The following DPP6 variants were observed in gnomAD, a reference collection of about 807,000 sequenced individuals.
The protein encoded by DPP6 is A-type potassium channel modulatory protein DPP6.
In DPP6, 69 loss-of-function variants were observed where a neutral mutation model predicts 122.6. The ratio of observed to expected loss-of-function variants is 0.56; its 90% CI spans 0.46 to 0.69. DPP6 has a LOEUF of 0.69. DPP6 is among the 30% of genes least tolerant of loss of function. The pLI is 0.00. For synonymous variants in DPP6, 418 were observed against 433.1 expected (o/e 0.97, Z 0.43); for missense variants, 928 against 1,116.9 (o/e 0.83, Z 2.41).
chr7:154,286,392 G>T (rs1386910223), intron 1 of DPP6, among the ~76,000 whole-genome samples: 1 of 152,134 alleles, frequency 6.6e-6, no homozygotes, highest in Non-Finnish European at 1.5e-5. Context: ...GGCTGTAGGT[G>T]GCACCAGCCA....
the DPP6 span, among the ~76,000 whole-genome samples, chr7:153,843,160 G>A: frequency 6.6e-6 from 1 of 151,044 alleles, no homozygotes; most frequent in East Asian, 1.9e-4. Context: ...ATGCACATAT[G>A]TGCATACACA....
intron 1 of DPP6, chr7:154,059,029 G>GGGGGAGGGACCCCCATCGCAGAT (rs1801258311): frequency 1.5e-5 from 2 of 129,036 alleles, no homozygotes; most frequent in African/African-American, 3.1e-5. Context: ...CCATCGCAGA[G>GGGGGAGGGACCCCCATCGCAGAT]GGGGGAGGGA....
At chr7:154,365,633 C>T (rs1337205406) in intron 1 of DPP6, among the ~76,000 whole-genome samples, 6 of 152,156 alleles carry the variant, frequency 3.9e-5, no homozygotes, top group African/African-American at 7.2e-5. Flanking sequence ...CCTGGTCTTG[C>T]GGTTCACATT....
At chr7:154,885,774 G>A (rs974233725) in intron 22 of DPP6, 30 bp downstream of exon 22, 1 of 1,558,072 alleles carries the variant, frequency 6.4e-7, no homozygotes, top group South Asian at 1.2e-5. Flanking sequence ...CAAGCGACGG[G>A]CTCTGCTCCC....
At chr7:154,127,136 T>G (rs1164153757) in intron 1 of DPP6, among the ~76,000 whole-genome samples, 1 of 152,214 alleles carries the variant, frequency 6.6e-6, no homozygotes, top group East Asian at 1.9e-4. Flanking sequence ...AACATAACGC[T>G]AACCTTGCAG....
At chr7:153,875,403 C>A in the DPP6 span, among the ~76,000 whole-genome samples, 3 of 151,948 alleles carry the variant, frequency 2.0e-5, no homozygotes, top group Non-Finnish European at 4.4e-5. Flanking sequence ...AAATAGATGA[C>A]TTAAGAAGAG....
At chr7:154,495,135 C>T (rs999221525) in intron 3 of DPP6, among the ~76,000 whole-genome samples, 1 of 152,170 alleles carries the variant, frequency 6.6e-6, no homozygotes, top group African/African-American at 2.4e-5. Context: ...AGAGTTGTGG[C>T]ATATCCAGAA....
the DPP6 span, among the ~76,000 whole-genome samples, chr7:153,825,055 G>A: frequency 0.25 from 38,284 of 151,972 alleles, 5,091 homozygotes; most frequent in African/African-American, 0.33. Context: ...GAGTAGCTTC[G>A]TTAGGCTTTG....
chr7:153,918,598 C>CAG (rs1800482866), intron 1 of DPP6, among the ~76,000 whole-genome samples: 11 of 131,694 alleles, frequency 8.4e-5, no homozygotes, highest in South Asian at 2.4e-4. Context: ...CTCTCTCTCT[C>CAG]TCTCTCTCTC....
intron 1 of DPP6, among the ~76,000 whole-genome samples, chr7:154,401,766 G>C (rs945289792): frequency 1.3e-5 from 2 of 152,132 alleles, no homozygotes; most frequent in African/African-American, 2.4e-5. Flanking sequence ...TTAAACTAAA[G>C]AGCTTCTGCA....
rs1175014035 is a variant in DPP6 at position 154,671,465 on chromosome 7, C to T, written c.762+2024C>T. On this transcript the variant is annotated intron_variant, in intron 7 of 25. Coordinates refer to ENST00000377770, the MANE Select transcript of DPP6 (RefSeq NM_130797.4). The stretch of plus-strand genomic sequence containing the variant: ...TCTCTTTCCACCATACCTGCGGCCT[C>T]GCTTCTTATCACCCAGCGGCTGTAA... 7.9e-5 allele frequency among the ~76,000 whole-genome samples: 12 copies of T among 152,164 alleles called. No homozygotes were observed. The South Asian group carries it at 8.3e-4, about 11-fold the overall frequency.
intron 1 of DPP6, among the ~76,000 whole-genome samples, chr7:154,237,195 A>G (rs1017466738): frequency 6.6e-6 from 1 of 152,200 alleles, no homozygotes; most frequent in Admixed American, 6.5e-5. Flanking sequence ...GTTTTGTCCT[A>G]TAGTCCTTAA....
chr7:154,487,201 G>A lies in DPP6; in HGVS notation c.457+12164G>A, dbSNP rs577875376. 4.6e-5 allele frequency among the ~76,000 whole-genome samples: 7 copies of A among 152,108 alleles called. No homozygotes were observed. In the East Asian group the frequency reaches 1.4e-3, roughly 29 times the overall value. ...ATTTTGTGTGTATATACGTGTATACGTACATATTTTTTTCTCTTAAGTAAA... is the reference window on the plus strand; with the variant it reads ...ATTTTGTGTGTATATACGTGTATACATACATATTTTTTTCTCTTAAGTAAA... On this transcript the variant is annotated intron_variant, in intron 3 of 25. Transcript: ENST00000377770.
intron 1 of DPP6, chr7:154,055,446 G>A (rs1800745303): frequency 6.6e-6 from 1 of 150,926 alleles, no homozygotes; most frequent in South Asian, 2.1e-4. Flanking sequence ...TGCTTAAAGT[G>A]TATTGAAAAA....
chr7:154,634,673 C>CTT (rs1185050697), intron 5 of DPP6, among the ~76,000 whole-genome samples: 2 of 135,852 alleles, frequency 1.5e-5, no homozygotes, highest in Non-Finnish European at 3.4e-5. Flanking sequence ...CTCCTCTTCC[C>CTT]CTTCTCCTTC....
intron 22 of DPP6, among the ~76,000 whole-genome samples, chr7:154,887,366 T>C (rs1468078542): frequency 1.3e-5 from 2 of 152,156 alleles, no homozygotes; most frequent in African/African-American, 4.8e-5. Context: ...AAGGAGGAGG[T>C]TATCCTACTT....
chr7:153,772,230 C>T, the DPP6 span, among the ~76,000 whole-genome samples: 4 of 152,168 alleles, frequency 2.6e-5, no homozygotes, highest in South Asian at 2.1e-4. Flanking sequence ...ATTACAGGCA[C>T]GCACCATCAC....
intron 10 of DPP6, among the ~76,000 whole-genome samples, chr7:154,788,277 C>G (rs1279974900): frequency 2.0e-5 from 3 of 152,002 alleles, no homozygotes; most frequent in African/African-American, 4.8e-5. Context: ...AACCCCCTCT[C>G]TACTAAAAAT....
At chr7:154,434,349 CCA>C (rs1230428578) in intron 1 of DPP6, among the ~76,000 whole-genome samples, 1 of 152,184 alleles carries the variant, frequency 6.6e-6, no homozygotes, top group African/African-American at 2.4e-5. Flanking sequence ...GTTATAGTTT[CCA>C]CACAGATATC....
Sources: gnomAD v4.1 joint callset for allele counts (sites outside exome capture counted in the v4.1 genomes callset) on GRCh38, gnomAD v4.1.1 for gene constraint, MANE v1.5 for transcripts, NCBI Gene and HGNC (gene_info 2026-07-23, HGNC 2026-07-21) for gene names.